The following TENM2 variants were observed in gnomAD, a reference collection of about 807,000 sequenced individuals.
The protein encoded by TENM2 is teneurin transmembrane protein 2, also known as teneurin-2.
In TENM2, 52 loss-of-function variants were observed where a neutral mutation model predicts 245.2. The ratio of observed to expected loss-of-function variants is 0.21; its 90% CI spans 0.17 to 0.27. TENM2 has a LOEUF of 0.27. Ranked by LOEUF, TENM2 falls within the 10% of genes least tolerant of loss-of-function variation. The probability of loss-of-function intolerance (pLI) is 1.00; values close to 1 mark genes in which losing one functional copy is unlikely to be tolerated. For synonymous variants in TENM2, 1,363 were observed against 1,438.9 expected (o/e 0.95, Z 1.19); for missense variants, 3,046 against 3,666.8 (o/e 0.83, Z 4.37).
chr5:167,157,560 G>A, the TENM2 span, among the ~76,000 whole-genome samples: 1,686 of 152,260 alleles, frequency 0.011, 31 homozygotes, highest in African/African-American at 0.039. Flanking sequence ...AGACGTGTAA[G>A]TTCCCTCCAG....
At chr5:168,005,328 G>T (rs1784738779) in intron 5 of TENM2, among the ~76,000 whole-genome samples, 1 of 152,144 alleles carries the variant, frequency 6.6e-6, no homozygotes, top group Non-Finnish European at 1.5e-5. Context: ...CCCACCCAGG[G>T]AGAATGCTGT....
intron 2 of TENM2, among the ~76,000 whole-genome samples, chr5:167,445,342 G>T (rs1191645568): frequency 5.2e-4 from 57 of 110,410 alleles, no homozygotes; most frequent in African/African-American, 1.5e-3. Context: ...TATATAGAGA[G>T]AGAGAGAGAG....
At chr5:167,462,937 GA>G (rs777138097) in intron 2 of TENM2, among the ~76,000 whole-genome samples, 4 of 152,096 alleles carry the variant, frequency 2.6e-5, no homozygotes, top group Non-Finnish European at 4.4e-5. Flanking sequence ...ATAGGGCACT[GA>G]AGTAAATGAC....
chr5:167,498,211 T>C (rs1158294694), intron 2 of TENM2, among the ~76,000 whole-genome samples: 2 of 152,142 alleles, frequency 1.3e-5, no homozygotes, highest in Non-Finnish European at 2.9e-5. Context: ...TCTGCTCTTC[T>C]TTTTTGCTAT....
the TENM2 span, among the ~76,000 whole-genome samples, chr5:167,255,526 C>T: frequency 6.6e-6 from 1 of 152,162 alleles, no homozygotes; most frequent in African/African-American, 2.4e-5. Flanking sequence ...CGACTATAAA[C>T]TCCTGCCCTC....
At chr5:168,020,159 A>G (rs1786016052) in intron 5 of TENM2, among the ~76,000 whole-genome samples, 1 of 152,182 alleles carries the variant, frequency 6.6e-6, no homozygotes, top group Admixed American at 6.5e-5. Context: ...ATATCAGTCA[A>G]GTTCATTTAG....
intron 2 of TENM2, among the ~76,000 whole-genome samples, chr5:167,487,368 T>C (rs10073903): frequency 0.011 from 1,734 of 152,344 alleles, 27 homozygotes; most frequent in African/African-American, 0.032. Flanking sequence ...TGAGTGAGTA[T>C]GTGCCCGTAT....
At chr5:167,380,106 T>C (rs1322782883) in intron 2 of TENM2, among the ~76,000 whole-genome samples, 1 of 152,078 alleles carries the variant, frequency 6.6e-6, no homozygotes, top group Non-Finnish European at 1.5e-5. Flanking sequence ...ACACAAAATA[T>C]CATAGGTTCT....
At chr5:167,315,688 A>G (rs1259549875) in intron 1 of TENM2, among the ~76,000 whole-genome samples, 2 of 152,170 alleles carry the variant, frequency 1.3e-5, no homozygotes, top group African/African-American at 2.4e-5. Flanking sequence ...CAGGAGCTAG[A>G]GAATCCCTCC....
intron 2 of TENM2, among the ~76,000 whole-genome samples, chr5:167,840,129 C>A (rs989824846): frequency 3.9e-5 from 6 of 152,182 alleles, no homozygotes; most frequent in Non-Finnish European, 8.8e-5. Flanking sequence ...CCCAAACTTT[C>A]CTTATTCAAG....
chr5:167,807,503 T>A (rs1766300182), intron 2 of TENM2, among the ~76,000 whole-genome samples: 1 of 152,264 alleles, frequency 6.6e-6, no homozygotes, highest in Non-Finnish European at 1.5e-5. Context: ...CTATGTTAAC[T>A]CATGGGAAGG....
At chr5:167,609,106 C>T (rs1276838566) in intron 2 of TENM2, among the ~76,000 whole-genome samples, 1 of 152,038 alleles carries the variant, frequency 6.6e-6, no homozygotes, top group Non-Finnish European at 1.5e-5. Context: ...TTCTTGCTAT[C>T]ATCACTTCCT....
chr5:167,612,914 A>G (rs189788156), intron 2 of TENM2, among the ~76,000 whole-genome samples: 97 of 152,256 alleles, frequency 6.4e-4, no homozygotes, highest in East Asian at 5.0e-3. Flanking sequence ...CAGTAACAAA[A>G]ATAGACATAT....
Position 167,337,917 on chromosome 5 carries a change from A to C in TENM2, c.227-37281A>C, listed in dbSNP as rs529953938. ...AATTTTCTGTGGTTCATCATTAAAAAAATACTTTGCAATAGTGTTAAACAA... is the reference window on the plus strand; with the variant it reads ...AATTTTCTGTGGTTCATCATTAAAACAATACTTTGCAATAGTGTTAAACAA... On this transcript the variant is annotated intron_variant, in intron 1 of 28. Coordinates refer to ENST00000518659, the Ensembl canonical transcript of TENM2. Among the ~76,000 whole-genome samples, 8 of 152,354 alleles carry C rather than the reference A, an allele frequency of 5.3e-5. No individual in the cohort carries two copies. The South Asian group carries it at 1.7e-3, about 32-fold the overall frequency.
chr5:167,088,042 C>G, the TENM2 span, among the ~76,000 whole-genome samples: 1 of 152,200 alleles, frequency 6.6e-6, no homozygotes, highest in South Asian at 2.1e-4. Flanking sequence ...CCTGCCTTGG[C>G]CTCCCAAAGT....
the TENM2 span, among the ~76,000 whole-genome samples, chr5:167,092,135 A>C: frequency 6.6e-6 from 1 of 152,180 alleles, no homozygotes; most frequent in Non-Finnish European, 1.5e-5. Flanking sequence ...TGTGTGGTCC[A>C]TGAGCTAAGG....
intron 5 of TENM2, among the ~76,000 whole-genome samples, chr5:168,011,058 A>T (rs920048525): frequency 2.0e-5 from 3 of 152,246 alleles, no homozygotes; most frequent in Admixed American, 2.0e-4. Context: ...GCACAGATTG[A>T]TGAAATAGTC....
intron 9 of TENM2, among the ~76,000 whole-genome samples, chr5:168,098,405 A>T (rs1400281111): frequency 1.3e-5 from 2 of 152,216 alleles, no homozygotes; most frequent in Non-Finnish European, 2.9e-5. Flanking sequence ...TTTCCTGTAA[A>T]AGCAGAAGTG....
intron 3 of TENM2, among the ~76,000 whole-genome samples, chr5:167,881,605 G>T (rs767059281): frequency 6.6e-6 from 1 of 152,158 alleles, no homozygotes; most frequent in Non-Finnish European, 1.5e-5. Flanking sequence ...AAGCCACTTT[G>T]ACTCCAGGTT....
Sources: allele counts gnomAD v4.1 joint callset (sites outside exome capture counted in the v4.1 genomes callset), GRCh38; gene constraint gnomAD v4.1.1; transcripts MANE v1.5; gene names NCBI Gene and HGNC (gene_info 2026-07-23, HGNC 2026-07-21).